The following CABLES1 variants were observed in gnomAD, a reference collection of about 807,000 sequenced individuals.
CABLES1 encodes CDK5 and ABL1 enzyme substrate 1.
In CABLES1, 36 loss-of-function variants were observed where a neutral mutation model predicts 57.8. The observed-to-expected ratio is 0.62, with a 90% CI of 0.48 to 0.82. The LOEUF (loss-of-function observed/expected upper bound fraction) is 0.82, where lower values mean the gene tolerates loss of function less well. Ranked by LOEUF, CABLES1 falls within the 40% of genes least tolerant of loss-of-function variation. The pLI is 0.00. For missense variants in CABLES1, 767 were observed against 836.6 expected (o/e 0.92, Z 1.03); for synonymous variants, 374 against 363.0 (o/e 1.03, Z -0.35).
chr18:23,221,978 A>G (rs2047490794), intron 4 of CABLES1, among the ~76,000 whole-genome samples: 1 of 152,158 alleles, frequency 6.6e-6, no homozygotes, highest in African/African-American at 2.4e-5. Flanking sequence ...TTCCTTCCCC[A>G]TAGGTGTGCT....
rs1453539997 is a variant in CABLES1 at position 23,135,917 on chromosome 18, C to G, written c.155C>G (p.Pro52Arg). 8 of 1,094,198 alleles carry G rather than the reference C, an allele frequency of 7.3e-6. No homozygotes were observed. The highest frequency in any genetic ancestry group is 4.1e-5 in the South Asian group (1 of 24,626). The allele number at this position is 1,094,198 out of a possible 1,614,324, so 67.8% of individuals were successfully genotyped here. A position where few individuals can be genotyped will look rare whatever the true frequency, so the allele number is the denominator to read the frequency against. The change falls in exon 1 of 10, where the codon CCC becomes CGC. Residue 52 changes from proline (P) to arginine (R), a missense_variant. Transcript: ENST00000256925. ...AAPAQPPPEP[P>R]RKPRMDPRRR... Reference sequence around the variant, plus strand: ...CCGGCCCAGCCGCCGCCCGAACCCCCCCGGAAGCCGCGCATGGACCCGCGG... The same window carrying G: ...CCGGCCCAGCCGCCGCCCGAACCCCGCCGGAAGCCGCGCATGGACCCGCGG...
At chr18:23,249,596 T>G (rs1241043844) in intron 7 of CABLES1, among the ~76,000 whole-genome samples, 1 of 152,214 alleles carries the variant, frequency 6.6e-6, no homozygotes, top group African/African-American at 2.4e-5. Context: ...CAGCGTCTTT[T>G]ACGTACGTTT....
intron 4 of CABLES1, among the ~76,000 whole-genome samples, chr18:23,221,412 G>T (rs572155659): frequency 6.6e-6 from 1 of 152,228 alleles, no homozygotes; most frequent in Non-Finnish European, 1.5e-5. Flanking sequence ...AGACACAGAG[G>T]CGTGGAATAG....
At position 23,258,276 on chromosome 18, in the gene CABLES1, C is replaced by T. The variant is rs1262880870; in HGVS notation, c.*909C>T. 2 of 152,624 alleles carry T rather than the reference C, an allele frequency of 1.3e-5. No individual in the cohort carries two copies. The highest frequency in any genetic ancestry group is 4.8e-5 in the African/African-American group (2 of 41,442). The allele number at this position is 152,624 out of a possible 1,614,324, so 9.5% of individuals were successfully genotyped here. A position where few individuals can be genotyped will look rare whatever the true frequency, so the allele number is the denominator to read the frequency against. On this transcript the variant is annotated 3_prime_UTR_variant, in exon 10 of 10. Transcript: ENST00000256925. Reference sequence around the variant, plus strand: ...GCCCCACAGTGTGTATTCCTGTCCTCTATGTTAGAGTGCATCAGAAGCACA... The same window carrying T: ...GCCCCACAGTGTGTATTCCTGTCCTTTATGTTAGAGTGCATCAGAAGCACA...
chr18:23,189,089 AC>A (rs1196539173), intron 2 of CABLES1, 180 bp downstream of exon 2: 1 of 542,894 alleles, frequency 1.8e-6, no homozygotes, highest in African/African-American at 1.9e-5. Flanking sequence ...GAACTAAACA[AC>A]GTTAAATCCA....
chr18:23,194,853 G>A (rs2047270612), intron 3 of CABLES1, among the ~76,000 whole-genome samples: 1 of 152,186 alleles, frequency 6.6e-6, no homozygotes, highest in African/African-American at 2.4e-5. Flanking sequence ...GTTTTGGGGA[G>A]TTTTATTTGT....
At chr18:23,151,975 A>T (rs1001562621) in intron 1 of CABLES1, among the ~76,000 whole-genome samples, 1 of 152,174 alleles carries the variant, frequency 6.6e-6, no homozygotes, top group Non-Finnish European at 1.5e-5. Context: ...CACAATGGAG[A>T]TGGATTAGAT....
At chr18:23,194,163 A>C (rs1457201883) in intron 2 of CABLES1, among the ~76,000 whole-genome samples, 6 of 152,126 alleles carry the variant, frequency 3.9e-5, no homozygotes, top group African/African-American at 1.2e-4. Context: ...TGGAATCTGC[A>C]TAGGTTTTTG....
rs1401041711 is a variant in CABLES1, at chr18:23,246,315, G to T, written c.1447-6645G>T. On this transcript the variant is annotated intron_variant, in intron 7 of 9. Transcript: ENST00000256925. ...CACTCAGACTGTCCCAGGCCAAGAA[G>T]GAGTCGCTGCTTGTTTAATTAGCAC... 5.3e-5 allele frequency among the ~76,000 whole-genome samples: 8 copies of T among 151,828 alleles called. No individual in the cohort carries two copies. In the East Asian group the frequency reaches 1.5e-3, roughly 29 times the overall value.
At chr18:23,223,120 G>A (rs1382983659) in intron 4 of CABLES1, among the ~76,000 whole-genome samples, 15 of 152,174 alleles carry the variant, frequency 9.9e-5, no homozygotes, top group Admixed American at 8.5e-4. Flanking sequence ...GTCTTTGCTC[G>A]AGCCCTGTTG....
intron 3 of CABLES1, among the ~76,000 whole-genome samples, chr18:23,211,708 C>G (rs910245664): frequency 5.2e-5 from 8 of 152,382 alleles, no homozygotes; most frequent in African/African-American, 1.9e-4. Flanking sequence ...CCACCCTGCC[C>G]CACCTGCTGG....
chr18:23,249,523 G>A (rs1221232193), intron 7 of CABLES1, among the ~76,000 whole-genome samples: 1 of 152,222 alleles, frequency 6.6e-6, no homozygotes, highest in Admixed American at 6.5e-5. Flanking sequence ...CTGTGACTCA[G>A]TGGGGCTGGA....
intron 4 of CABLES1, among the ~76,000 whole-genome samples, chr18:23,224,826 C>T (rs1357000928): frequency 1.3e-5 from 2 of 152,026 alleles, no homozygotes; most frequent in Admixed American, 6.6e-5. Flanking sequence ...GTCTCAGCCT[C>T]CCAAAGTACT....
chr18:23,175,383 T>C (rs2047115836), intron 1 of CABLES1, among the ~76,000 whole-genome samples: 1 of 152,214 alleles, frequency 6.6e-6, no homozygotes. Flanking sequence ...ATTTCTAAGG[T>C]CCTGGCTTTC....
chr18:23,186,276 A>G (rs550764467), intron 1 of CABLES1, among the ~76,000 whole-genome samples: 51 of 152,314 alleles, frequency 3.3e-4, no homozygotes, highest in African/African-American at 1.2e-3. Context: ...TGGAGTGTCA[A>G]TCAAAAGCCC....
At chr18:23,155,010 A>G (rs1248323265) in intron 1 of CABLES1, among the ~76,000 whole-genome samples, 1 of 152,208 alleles carries the variant, frequency 6.6e-6, no homozygotes, top group Non-Finnish European at 1.5e-5. Context: ...GTTTGCTACA[A>G]ACGTAATTGA....
rs1200653597 is a variant in CABLES1 at position 23,257,310 on chromosome 18, C to G, written c.1845C>G (p.Leu615=). The change falls in exon 10 of 10, where the codon CTC becomes CTG. Residue 615 remains leucine (L), a synonymous_variant. Coordinates refer to ENST00000256925, the MANE Select transcript of CABLES1 (RefSeq NM_001100619.3). ...FPVLVALEFA[L]HLPEHEVMPH... is the part of the protein sequence containing the mutation. ...TGTTAGTGGCCTTGGAATTCGCCCTCCACTTGCCCGAGCACGAAGTCATGC... is the reference window on the plus strand; with the variant it reads ...TGTTAGTGGCCTTGGAATTCGCCCTGCACTTGCCCGAGCACGAAGTCATGC... 1.2e-6 allele frequency: 2 copies of G among 1,613,896 alleles called. No homozygotes were observed. The highest frequency in any genetic ancestry group is 1.7e-6 in the Non-Finnish European group (2 of 1,179,996).
chr18:23,135,873 T>TCAGCCC lies in CABLES1; in HGVS notation c.112_117dup (p.Gln38_Pro39dup). ...AGCAGCCGCCGCCGCAGCCCCAGCC[T>TCAGCCC]CAGCCCGCGGCCGCCGCGCCGGCCC... On this transcript the variant is annotated inframe_insertion, in exon 1 of 10. Transcript: ENST00000256925. 1.9e-6 allele frequency: 2 copies of TCAGCCC among 1,034,144 alleles called. No homozygotes were observed. Among genetic ancestry groups the TCAGCCC allele is most frequent in the Non-Finnish European group, 2.3e-6 (2 of 865,088 alleles). 64.1% of individuals were successfully genotyped at this position (1,034,144 alleles called of 1,614,324 possible).
intron 3 of CABLES1, among the ~76,000 whole-genome samples, chr18:23,195,029 A>T (rs567054466): frequency 6.6e-4 from 101 of 152,272 alleles, no homozygotes; most frequent in African/African-American, 2.3e-3. Context: ...CTCAGTGCTG[A>T]TCCTGCTTCC....
Sources: gnomAD v4.1 joint callset for allele counts (sites outside exome capture counted in the v4.1 genomes callset) on GRCh38, gnomAD v4.1.1 for gene constraint, MANE v1.5 for transcripts, NCBI Gene and HGNC (gene_info 2026-07-23, HGNC 2026-07-21) for gene names.